The following GRB7 variants were observed in gnomAD, a reference collection of about 807,000 sequenced individuals.
GRB7 encodes the protein growth factor receptor-bound protein 7.
Under a neutral mutation model 64.1 loss-of-function variants are expected in GRB7, and 47 were observed. The observed-to-expected ratio is 0.73, with a 90% CI of 0.58 to 0.94. The LOEUF is 0.94. GRB7 is among the 40% of genes least tolerant of loss of function. GRB7 has a pLI of 0.00. For missense variants in GRB7, 634 were observed against 718.4 expected, an observed-to-expected ratio of 0.88 and a Z score of 1.34; for synonymous variants, 277 against 279.9, an observed-to-expected ratio of 0.99 and a Z score of 0.10.
intron 8 of GRB7, 50 bp from the exon 9 acceptor site, chr17:39,744,836 A>G (rs752257130): frequency 2.7e-6 from 4 of 1,481,236 alleles, no homozygotes; most frequent in Admixed American, 1.7e-5. Context: ...AGGGGCAGAC[A>G]TGTGGTCCTA....
In GRB7 at chr17:39,739,249, A is replaced by G. The variant is rs1045471300; in HGVS notation, c.-51+1116A>G. On this transcript the variant is annotated intron_variant, in intron 1 of 14. Coordinates refer to ENST00000309156, the MANE Select transcript of GRB7 (RefSeq NM_005310.5). The stretch of plus-strand genomic sequence containing the variant: ...CTCCCCTCTCCTGATATCCTACTGT[A>G]TGCTTGGTGGGGGGACCTCATGGAG... Among the ~76,000 whole-genome samples, 14 of 146,660 alleles carry G rather than the reference A, an allele frequency of 9.5e-5. No individual in the cohort carries two copies. The Admixed American group carries it at 9.8e-4, about 10-fold the overall frequency.
At chr17:39,740,133 G>A (rs1027007991) in intron 1 of GRB7, 94 of 985,564 alleles carry the variant, frequency 9.5e-5, no homozygotes, top group Non-Finnish European at 1.1e-4. Context: ...GCCCCCTGCA[G>A]CCTGGAATGA....
chr17:39,740,271 C>G, intron 1 of GRB7: 1 of 598,094 alleles, frequency 1.7e-6, no homozygotes, highest in Non-Finnish European at 2.1e-6. Flanking sequence ...CGTGCCCCTC[C>G]TGGCAGGACC....
chr17:39,741,415 C>CGCTGCTCTCCTGCCTTTCTGCTCTCCT (rs2059993357), intron 1 of GRB7, among the ~76,000 whole-genome samples: 1 of 152,180 alleles, frequency 6.6e-6, no homozygotes, highest in Admixed American at 6.5e-5. Context: ...CAGCGGAGCC[C>CGCTGCTCTCCTGCCTTTCTGCTCTCCT]GCTCTCCTGC....
In GRB7 at chr17:39,744,869, A is replaced by T; in HGVS notation, c.913-17A>T. Reference sequence around the variant, plus strand: ...CTAAAGGCAGATATGGGACCAGTCAATTTCCTCTCTCTGCAGCCCAACAAG... The same window carrying T: ...CTAAAGGCAGATATGGGACCAGTCATTTTCCTCTCTCTGCAGCCCAACAAG... On this transcript the variant is annotated splice_polypyrimidine_tract_variant and intron_variant, in intron 8 of 14. Coordinates refer to ENST00000309156, the MANE Select transcript of GRB7 (RefSeq NM_005310.5). The T allele has an allele frequency of 6.2e-7, 1 of 1,606,176 alleles. No homozygotes were observed. The highest frequency in any genetic ancestry group is 1.1e-5 in the South Asian group (1 of 90,920).
chr17:39,746,297 C>A, intron 14 of GRB7, 95 bp downstream of exon 14: 1 of 951,132 alleles, frequency 1.1e-6, no homozygotes, highest in South Asian at 1.4e-5. Context: ...CTCCCTGGCC[C>A]CCAGTGCGTC....
chr17:39,738,899 C>T (rs1015309652), intron 1 of GRB7: 14 of 1,535,040 alleles, frequency 9.1e-6, no homozygotes, highest in Non-Finnish European at 1.1e-5. Context: ...CCGCCTCCGG[C>T]CCTCCGATGG....
intron 11 of GRB7, 46 bp from the exon 12 acceptor site, chr17:39,745,682 C>A (rs1380221883): frequency 6.3e-7 from 1 of 1,592,514 alleles, no homozygotes; most frequent in Non-Finnish European, 8.6e-7. Flanking sequence ...CTGGGTAATG[C>A]CCCCAAGCAC....
chr17:39,744,301 C>T (rs1402908714), intron 7 of GRB7, 94 bp downstream of exon 7: 11 of 1,471,652 alleles, frequency 7.5e-6, no homozygotes, highest in South Asian at 2.5e-5. Flanking sequence ...CCCTTCTCCC[C>T]CTGGGCCCCC....
In GRB7 at chr17:39,746,203, G is replaced by A. The variant is rs1567930622; in HGVS notation, c.1452+1G>A. On this transcript the variant is annotated splice_donor_variant, in intron 14 of 14. Coordinates refer to ENST00000309156, the MANE Select transcript of GRB7 (RefSeq NM_005310.5). LOFTEE classifies it high-confidence loss of function. ...AGTGAAGCATTATCTCATCCTGCCG[G>A]TGAGCTTCCCTGCGTCCCCGGAGTC... 2.5e-6 allele frequency: 4 copies of A among 1,612,562 alleles called. No homozygotes were observed. Among genetic ancestry groups the A allele is most frequent in the Non-Finnish European group, 3.4e-6 (4 of 1,178,716 alleles).
chr17:39,742,465 G>C lies in GRB7; in HGVS notation c.155+9G>C, dbSNP rs2060003724. 3 of 1,613,710 alleles carry C rather than the reference G, an allele frequency of 1.9e-6. No individual in the cohort carries two copies. The African/African-American group carries it at 4.0e-5, about 22-fold the overall frequency. On this transcript the variant is annotated intron_variant, in intron 2 of 14. Coordinates refer to ENST00000309156, the MANE Select transcript of GRB7 (RefSeq NM_005310.5). ...ATCCCAACCACCGGCAGGTACGATG[G>C]GGCGTGGGGCTTGGGGGAGGTCAGT... is the stretch of plus-strand genomic sequence containing the variant.
In GRB7 at chr17:39,743,978, C is replaced by CAAAAAG. The variant is rs375723176; in HGVS notation, c.664-78_664-73dup. Reference sequence around the variant, plus strand: ...ACCGCACTAGCATGAGACCCTGTCTCAAAAAGAAAAAGAAAAAGAGAAACA... The same window carrying CAAAAAG: ...ACCGCACTAGCATGAGACCCTGTCTCAAAAAGAAAAAGAAAAAGAAAAAGAGAAACA... On this transcript the variant is annotated intron_variant, in intron 6 of 14. Coordinates refer to ENST00000309156, the MANE Select transcript of GRB7 (RefSeq NM_005310.5). 122 of 1,533,612 alleles carry CAAAAAG rather than the reference C, an allele frequency of 8.0e-5. 3 individuals carry two copies. In the South Asian group the frequency reaches 1.3e-3, roughly 17 times the overall value.
intron 1 of GRB7, chr17:39,740,078 CCT>C: frequency 4.1e-6 from 4 of 985,590 alleles, no homozygotes; most frequent in Non-Finnish European, 4.8e-6. Context: ...ATTCTCTGCT[CCT>C]CTCCCCACCC....
At chr17:39,739,036 A>G in intron 1 of GRB7, 1 of 982,410 alleles carries the variant, frequency 1.0e-6, no homozygotes, top group East Asian at 2.7e-5. Context: ...GGGGGATAGC[A>G]GATGGTTTCT....
At chr17:39,745,823 G>A in intron 12 of GRB7, 35 bp downstream of exon 12, 1 of 1,613,494 alleles carries the variant, frequency 6.2e-7, no homozygotes, top group Non-Finnish European at 8.5e-7. Flanking sequence ...GGCGGGGGCT[G>A]CCTCAACTTC....
At chr17:39,744,475 T>G (rs2060025420) in intron 7 of GRB7, 78 bp from the exon 8 acceptor site, 1 of 1,206,446 alleles carries the variant, frequency 8.3e-7, no homozygotes, top group Admixed American at 2.0e-5. Flanking sequence ...TCCTGAAATC[T>G]CCCCACCTGG....
chr17:39,739,346 C>T (rs577042162), intron 1 of GRB7, among the ~76,000 whole-genome samples: 1 of 152,348 alleles, frequency 6.6e-6, no homozygotes, highest in African/African-American at 2.4e-5. Flanking sequence ...AAAAGAGCTG[C>T]CCCGCCTTCT....
Position 39,746,785 on chromosome 17 carries a change from A to C in GRB7, c.1487A>C (p.Asp496Ala). The change falls in exon 15 of 15, where the codon GAT becomes GCT. Residue 496 changes from aspartate (D) to alanine (A), a missense_variant. Asp to Ala is a moderately radical substitution (Grantham distance 126). Around this residue, in one of 2 missense-constraint regions of GRB7, gnomAD observed 467 missense variants for 576.6 expected, o/e 0.81. Coordinates refer to ENST00000309156, the MANE Select transcript of GRB7 (RefSeq NM_005310.5). ...EEEGRLYFSM[D>A]DGQTRFTDLL... ...GAGGGCCGCCTGTACTTCAGCATGGATGATGGCCAGACCCGCTTCACTGAC... is the reference window on the plus strand; with the variant it reads ...GAGGGCCGCCTGTACTTCAGCATGGCTGATGGCCAGACCCGCTTCACTGAC... The C allele has an allele frequency of 6.2e-7, 1 of 1,614,066 alleles. No individual in the cohort carries two copies. Among genetic ancestry groups the C allele is most frequent in the Non-Finnish European group, 8.5e-7 (1 of 1,180,030 alleles).
At chr17:39,745,210 G>A (rs200090305) in intron 9 of GRB7, 33 bp from the exon 10 acceptor site, 4 of 1,546,420 alleles carry the variant, frequency 2.6e-6, no homozygotes, top group South Asian at 1.2e-5. Context: ...AGGACCTCTC[G>A]ACCTCAAGCT....
Sources: allele counts gnomAD v4.1 joint callset (sites outside exome capture counted in the v4.1 genomes callset), GRCh38; gene constraint gnomAD v4.1.1; regional missense constraint gnomAD v4.1.1; transcripts MANE v1.5; gene names NCBI Gene and HGNC (gene_info 2026-07-23, HGNC 2026-07-21).